Variants in TRDN observed in about 807,000 individuals in gnomAD.
TRDN encodes the protein triadin in skeletal muscle.
In TRDN, 161 loss-of-function variants were observed where a neutral mutation model predicts 149.7. That is an observed-to-expected ratio of 1.08 (90% CI 0.95 to 1.23). The LOEUF is 1.23. TRDN is among the 50% of genes most tolerant of loss of function. The pLI, the probability that TRDN is intolerant of heterozygous loss-of-function variation, is 0.00. For synonymous variants in TRDN, 294 were observed against 250.5 expected, an observed-to-expected ratio of 1.17 and a Z score of -1.64; for missense variants, 896 against 823.5, an observed-to-expected ratio of 1.09 and a Z score of -1.08.
At chr6:123,551,773 A>G (rs1781404346) in intron 2 of TRDN, among the ~76,000 whole-genome samples, 1 of 152,106 alleles carries the variant, frequency 6.6e-6, no homozygotes, top group African/African-American at 2.4e-5. Context: ...GCCACGTTTT[A>G]CACCCATTTT....
chr6:123,410,956 T>C (rs757506651), intron 12 of TRDN, among the ~76,000 whole-genome samples: 4 of 151,860 alleles, frequency 2.6e-5, no homozygotes, highest in Non-Finnish European at 4.4e-5. Context: ...ACTAATATAA[T>C]GAACGGCCAA....
rs961504074 is a variant in TRDN at position 123,438,941 on chromosome 6, T to C, written c.991+3A>G. ...TGTGGTACATGGCTTTTAAATTTCC[T>C]ACCTTTCTTTTTTGTTTCAGAAGTA... On this transcript the variant is annotated splice_donor_region_variant and intron_variant, in intron 11 of 40. Transcript: ENST00000334268. 13 of 1,557,610 alleles carry C rather than the reference T, an allele frequency of 8.3e-6. No individual in the cohort carries two copies. Among genetic ancestry groups the C allele is most frequent in the African/African-American group, 1.4e-5 (1 of 73,570 alleles).
At chr6:123,263,755 T>C (rs932465216) in intron 33 of TRDN, among the ~76,000 whole-genome samples, 1 of 152,108 alleles carries the variant, frequency 6.6e-6, no homozygotes, top group Non-Finnish European at 1.5e-5. Flanking sequence ...GAGTCTCTTG[T>C]TGGAGGCTAG....
At chr6:123,339,531 G>A (rs1295159881) in intron 21 of TRDN, among the ~76,000 whole-genome samples, 1 of 152,174 alleles carries the variant, frequency 6.6e-6, no homozygotes, top group Non-Finnish European at 1.5e-5. Context: ...AAAAACAGGT[G>A]AAGTGCAGAT....
In TRDN at chr6:123,418,335, G is replaced by C. The variant is rs1223276637; in HGVS notation, c.1051+19728C>G. The stretch of plus-strand genomic sequence containing the variant: ...TGTGTGTGTGTATGTGTGTGTGTGT[G>C]TGGTTAAACTAAGCAGCTGAAAAGC... On this transcript the variant is annotated intron_variant, in intron 12 of 40. Transcript: ENST00000334268. 2.6e-5 allele frequency: 4 copies of C among 152,144 alleles called. No homozygotes were observed. In the East Asian group the frequency reaches 7.7e-4, roughly 29 times the overall value. 9.4% of individuals were successfully genotyped at this position (152,144 alleles called of 1,614,324 possible). A position where few individuals can be genotyped will look rare whatever the true frequency, so the allele number is the denominator to read the frequency against.
At chr6:123,354,564 T>C (rs542084252) in intron 20 of TRDN, among the ~76,000 whole-genome samples, 1 of 151,966 alleles carries the variant, frequency 6.6e-6, no homozygotes, top group African/African-American at 2.4e-5. Context: ...TTAAAATTGT[T>C]CATAGATTAG....
At chr6:123,244,846 A>C (rs985203973) in intron 38 of TRDN, among the ~76,000 whole-genome samples, 3 of 152,178 alleles carry the variant, frequency 2.0e-5, no homozygotes, top group Non-Finnish European at 4.4e-5. Context: ...AGCTAGAGAG[A>C]AAGGTCAGGT....
chr6:123,607,851 CTT>C (rs558952808), intron 1 of TRDN, among the ~76,000 whole-genome samples: 1,829 of 130,396 alleles, frequency 0.014, 36 homozygotes, highest in African/African-American at 0.047. Context: ...CTCTTTTAGT[CTT>C]TTTTTTTTTT....
chr6:123,277,699 T>C (rs1172593369), intron 26 of TRDN, among the ~76,000 whole-genome samples: 2 of 152,146 alleles, frequency 1.3e-5, no homozygotes, highest in Admixed American at 6.6e-5. Flanking sequence ...GATTTCTCTC[T>C]ACAGATTTCA....
chr6:123,327,415 T>C (rs573066652), intron 23 of TRDN, among the ~76,000 whole-genome samples: 32 of 152,252 alleles, frequency 2.1e-4, no homozygotes, highest in African/African-American at 5.5e-4. Flanking sequence ...TGATATTTTT[T>C]ATATGAATCT....
intron 9 of TRDN, among the ~76,000 whole-genome samples, chr6:123,483,853 G>C (rs894687929): frequency 6.6e-6 from 1 of 152,120 alleles, no homozygotes; most frequent in Non-Finnish European, 1.5e-5. Context: ...TGTTGATGAA[G>C]ATGTAAACAG....
At chr6:123,487,288 C>A in intron 9 of TRDN, among the ~76,000 whole-genome samples, 1 of 151,994 alleles carries the variant, frequency 6.6e-6, no homozygotes, top group African/African-American at 2.4e-5. Flanking sequence ...CACTGTTGGT[C>A]CTCCTTTAAG....
intron 14 of TRDN, among the ~76,000 whole-genome samples, chr6:123,386,961 T>C (rs1781927954): frequency 1.3e-5 from 2 of 152,186 alleles, no homozygotes; most frequent in Non-Finnish European, 2.9e-5. Context: ...CTTGCCTTGA[T>C]GTACGCTTAA....
rs1258138360 is a variant in TRDN, at chr6:123,571,054, C to A, written c.101G>T (p.Arg34Met). ...VPKSPGKVLK[R>M]TVTEDIVTTF... ...CGTCACTATGTCTTCTGTGACTGTC[C>A]TCTTCAGCACTTTTCCGGGGGATTT... The change falls in exon 2 of 41, where the codon AGG (arginine) becomes ATG (methionine). Residue 34 changes from arginine (R) to methionine (M), a missense_variant. By Grantham distance (91) the Arg-to-Met change is moderately conservative. Coordinates refer to ENST00000334268, the MANE Select transcript of TRDN (RefSeq NM_006073.4). The A allele has an allele frequency of 6.2e-7, 1 of 1,614,006 alleles. No individual in the cohort carries two copies. The highest frequency in any genetic ancestry group is 1.1e-5 in the South Asian group (1 of 91,082).
At chr6:123,588,699 T>C (rs528677787) in intron 1 of TRDN, among the ~76,000 whole-genome samples, 100 of 152,234 alleles carry the variant, frequency 6.6e-4, no homozygotes, top group African/African-American at 2.3e-3. Flanking sequence ...AATTACCTCT[T>C]GAAGGCCCCT....
Position 123,607,374 on chromosome 6 carries a change from T to C in TRDN, c.22+29380A>G, listed in dbSNP as rs529153038. On this transcript the variant is annotated intron_variant, in intron 1 of 40. Transcript: ENST00000334268. ...ATAAAATAGGTTATTAATGTTGATA[T>C]ATGCCTATGAAGAAACTCAGAAGAA... 3.3e-5 allele frequency among the ~76,000 whole-genome samples: 5 copies of C among 152,342 alleles called. No individual in the cohort carries two copies. The East Asian group carries it at 9.6e-4, about 29-fold the overall frequency.
intron 3 of TRDN, among the ~76,000 whole-genome samples, chr6:123,547,637 T>C (rs146622491): frequency 2.7e-3 from 415 of 152,150 alleles, no homozygotes; most frequent in Non-Finnish European, 4.6e-3. Flanking sequence ...ATCATATTAA[T>C]TTCAACTCTC....
At chr6:123,385,407 G>A (rs1180767754) in intron 14 of TRDN, among the ~76,000 whole-genome samples, 1 of 143,026 alleles carries the variant, frequency 7.0e-6, no homozygotes, top group African/African-American at 2.6e-5. Context: ...CTGGGCGACA[G>A]AGCGAGACTC....
intron 12 of TRDN, among the ~76,000 whole-genome samples, chr6:123,413,096 A>G (rs2114518945): frequency 1.3e-5 from 2 of 152,298 alleles, no homozygotes; most frequent in Middle Eastern, 6.8e-3. Context: ...AAATCAAGAT[A>G]TCATAGTACT....
Sources: allele counts gnomAD v4.1 joint callset (sites outside exome capture counted in the v4.1 genomes callset), GRCh38; gene constraint gnomAD v4.1.1; transcripts MANE v1.5; gene names NCBI Gene and HGNC (gene_info 2026-07-23, HGNC 2026-07-21).